CLNK: variants seen among roughly 807,000 people sequenced by gnomAD.
The protein encoded by CLNK is cytokine-dependent hematopoietic cell linker.
In CLNK, 74 loss-of-function variants were observed where a neutral mutation model predicts 68.6. That is an observed-to-expected ratio of 1.08 (90% CI 0.89 to 1.31). The LOEUF (loss-of-function observed/expected upper bound fraction) is 1.31. CLNK is among the 50% of genes most tolerant of loss of function. CLNK has a pLI of 0.00. For missense variants in CLNK, 553 were observed against 515.3 expected (o/e 1.07, Z -0.71); for synonymous variants, 198 against 172.2 (o/e 1.15, Z -1.17).
the CLNK span, among the ~76,000 whole-genome samples, chr4:10,699,494 C>CTCTCTATATA: frequency 8.4e-4 from 48 of 56,934 alleles, no homozygotes; most frequent in African/African-American, 2.3e-3. Flanking sequence ...CTCTCTCTCT[C>CTCTCTATATA]TATATATATA....
intron 8 of CLNK, among the ~76,000 whole-genome samples, chr4:10,553,578 C>T (rs941592624): frequency 3.9e-5 from 6 of 152,046 alleles, no homozygotes; most frequent in Admixed American, 6.6e-5. Context: ...CAGCCTCCCC[C>T]GTAGCTGGGA....
At chr4:10,576,330 T>C (rs1028198589) in intron 4 of CLNK, among the ~76,000 whole-genome samples, 1 of 152,212 alleles carries the variant, frequency 6.6e-6, no homozygotes, top group African/African-American at 2.4e-5. Flanking sequence ...ATAGATTTCA[T>C]ATCTGCATCC....
chr4:10,513,781 C>T (rs185700111), intron 15 of CLNK, among the ~76,000 whole-genome samples, 184 bp from the exon 16 acceptor site: 2 of 151,048 alleles, frequency 1.3e-5, no homozygotes, highest in Admixed American at 1.3e-4. Flanking sequence ...TGTAGCTTTG[C>T]CCTTCCTCCT....
chr4:10,511,922 TA>T (rs142146004), intron 16 of CLNK, among the ~76,000 whole-genome samples: 2 of 152,176 alleles, frequency 1.3e-5, no homozygotes, highest in African/African-American at 4.8e-5. Flanking sequence ...TAATACTAGT[TA>T]AAAAAATTAA....
At chr4:10,693,132 C>T in the CLNK span, among the ~76,000 whole-genome samples, 1 of 152,122 alleles carries the variant, frequency 6.6e-6, no homozygotes, top group South Asian at 2.1e-4. Flanking sequence ...TTTGGTTATC[C>T]TTGAGCCTTG....
chr4:10,520,282 G>A (rs1390032757), intron 15 of CLNK, among the ~76,000 whole-genome samples: 2 of 152,166 alleles, frequency 1.3e-5, no homozygotes, highest in African/African-American at 4.8e-5. Flanking sequence ...CAGTTACTAA[G>A]AGGTGTCAGT....
At chr4:10,681,217 G>C (rs895715251) in intron 1 of CLNK, among the ~76,000 whole-genome samples, 1 of 152,124 alleles carries the variant, frequency 6.6e-6, no homozygotes, top group Non-Finnish European at 1.5e-5. Context: ...GAGTACACTT[G>C]AACAAAATCA....
At chr4:10,574,751 T>C (rs1455211929) in intron 4 of CLNK, among the ~76,000 whole-genome samples, 1 of 152,136 alleles carries the variant, frequency 6.6e-6, no homozygotes, top group Non-Finnish European at 1.5e-5. Context: ...CTGGGCCTGG[T>C]TAAAGATTGA....
At chr4:10,582,173 G>A (rs569204608) in intron 4 of CLNK, among the ~76,000 whole-genome samples, 5 of 152,140 alleles carry the variant, frequency 3.3e-5, no homozygotes, top group African/African-American at 7.2e-5. Flanking sequence ...TTCTGTTCAC[G>A]AATATTCCCA....
the CLNK span, among the ~76,000 whole-genome samples, chr4:10,705,807 C>G: frequency 6.6e-6 from 1 of 152,214 alleles, no homozygotes; most frequent in African/African-American, 2.4e-5. Flanking sequence ...ATATAAACAT[C>G]TTTGGGGACT....
chr4:10,508,043 A>G lies in CLNK; in HGVS notation c.907-7T>C. ...ATTCATTGTGCTGGACATCCTGCAG[A>G]ACAGAATCAATGATAAATATTTTAG... On this transcript the variant is annotated splice_region_variant and splice_polypyrimidine_tract_variant and intron_variant, in intron 16 of 18. Transcript: ENST00000226951. 3 of 1,600,842 alleles carry G rather than the reference A, an allele frequency of 1.9e-6. No homozygotes were observed. The South Asian group carries it at 3.4e-5, about 18-fold the overall frequency.
chr4:10,586,923 T>C (rs995342171), intron 3 of CLNK, among the ~76,000 whole-genome samples: 1 of 152,108 alleles, frequency 6.6e-6, no homozygotes, highest in Admixed American at 6.5e-5. Flanking sequence ...ATGTGTCTTC[T>C]TTCGTAAGTT....
intron 3 of CLNK, 68 bp downstream of exon 3, chr4:10,597,910 T>C (rs1270506299): frequency 8.3e-6 from 9 of 1,083,230 alleles, no homozygotes; most frequent in Non-Finnish European, 1.2e-5. Flanking sequence ...GTGTTTGTGA[T>C]GGTCAGCTTA....
chr4:10,587,059 C>T (rs1200556245), intron 3 of CLNK, among the ~76,000 whole-genome samples: 3 of 152,016 alleles, frequency 2.0e-5, no homozygotes, highest in South Asian at 2.1e-4. Flanking sequence ...CCGCCTCCCA[C>T]GTTCAAGCCA....
chr4:10,491,661 T>C (rs1207762455), intron 18 of CLNK, among the ~76,000 whole-genome samples: 1 of 152,206 alleles, frequency 6.6e-6, no homozygotes, highest in Non-Finnish European at 1.5e-5. Context: ...GGCTATGTTA[T>C]GGGTCATTCC....
At chr4:10,504,113 G>GTTT (rs1717179390) in intron 17 of CLNK, among the ~76,000 whole-genome samples, 6 of 100,430 alleles carry the variant, frequency 6.0e-5, no homozygotes, top group Non-Finnish European at 1.2e-4. Context: ...ACATCTTTGG[G>GTTT]TTCTTTTTTT....
chr4:10,546,324 T>A (rs774678445), intron 8 of CLNK, among the ~76,000 whole-genome samples: 4 of 152,214 alleles, frequency 2.6e-5, no homozygotes, highest in Non-Finnish European at 5.9e-5. Flanking sequence ...TCCTTCTATA[T>A]TTTGCTTAGA....
intron 7 of CLNK, among the ~76,000 whole-genome samples, chr4:10,564,423 A>G (rs1232563729): frequency 6.6e-6 from 1 of 152,260 alleles, no homozygotes; most frequent in Admixed American, 6.5e-5. Context: ...CAAAGTCCTT[A>G]GCGTGATCTC....
Position 10,591,293 on chromosome 4 carries a change from T to TGG in CLNK, c.84-6339_84-6338insCC, listed in dbSNP as rs1161398651. ...GGTATGATGGCCTGGACAGACCGTT[T>TGG]ATCTTGTTTCCCATGTGGCCACCAA... is the stretch of plus-strand genomic sequence containing the variant. On this transcript the variant is annotated intron_variant, in intron 3 of 18. Coordinates refer to ENST00000226951, the MANE Select transcript of CLNK (RefSeq NM_052964.4). 1.6e-4 allele frequency among the ~76,000 whole-genome samples: 24 copies of TGG among 152,356 alleles called. No individual in the cohort carries two copies. In the East Asian group the frequency reaches 4.2e-3, roughly 27 times the overall value.
Sources: allele counts gnomAD v4.1 joint callset (sites outside exome capture counted in the v4.1 genomes callset), GRCh38; gene constraint gnomAD v4.1.1; transcripts MANE v1.5; gene names NCBI Gene and HGNC (gene_info 2026-07-23, HGNC 2026-07-21).